Variants in PATJ observed in about 807,000 individuals in gnomAD.
PATJ encodes the protein inaD-like protein.
A neutral mutation model predicts 224.9 loss-of-function variants in PATJ; 190 were observed. The observed-to-expected ratio is 0.84, with a 90% confidence interval of 0.75 to 0.95. PATJ has a LOEUF of 0.95. Ranked by LOEUF, PATJ falls within the 40% of genes least tolerant of loss-of-function variation. The pLI is 0.00. For synonymous variants in PATJ, 769 were observed against 820.3 expected, an observed-to-expected ratio of 0.94 and a Z score of 1.07; for missense variants, 2,121 against 2,270.3, an observed-to-expected ratio of 0.93 and a Z score of 1.34.
rs371614612 is a variant in PATJ at position 62,141,830 on chromosome 1, C to T, written c.5272-6454C>T. On this transcript the variant is annotated intron_variant, in intron 41 of 43. Transcript: ENST00000642238. Reference sequence around the variant, plus strand: ...CTAAAAATACAAAAAATTAGCTGGGCGTGGTGACACACACCTGTAATACCA... The same window carrying T: ...CTAAAAATACAAAAAATTAGCTGGGTGTGGTGACACACACCTGTAATACCA... Among the ~76,000 whole-genome samples, 326 of 152,058 alleles carry T rather than the reference C, an allele frequency of 2.1e-3. 7 individuals are homozygous for T. The highest frequency in any genetic ancestry group is 7.2e-3 in the African/African-American group (297 of 41,482).
intron 1 of PATJ, among the ~76,000 whole-genome samples, chr1:61,757,157 G>A (rs369017747): frequency 3.8e-4 from 56 of 146,452 alleles, no homozygotes; most frequent in African/African-American, 7.1e-4. Flanking sequence ...CTGCAACCTC[G>A]ATCTTCTGGG....
intron 31 of PATJ, among the ~76,000 whole-genome samples, chr1:62,078,337 C>G (rs542284902): frequency 1.2e-3 from 178 of 152,298 alleles, no homozygotes; most frequent in African/African-American, 4.1e-3. Context: ...GGCTGGAGTG[C>G]AATGGCACGG....
intron 37 of PATJ, 135 bp downstream of exon 37, chr1:62,117,353 C>A: frequency 6.9e-7 from 1 of 1,441,478 alleles, no homozygotes; most frequent in Middle Eastern, 2.0e-4. Context: ...AGTGAACTTT[C>A]ATGTGTTTGA....
In PATJ at chr1:62,100,237, G is replaced by A. The variant is rs1402623881; in HGVS notation, c.4378-8200G>A. ...ATTATTTTACCATCAGAAGCTTGGTGTCTTACTCCATTTTCTGCTGCTATA... is the reference window on the plus strand; with the variant it reads ...ATTATTTTACCATCAGAAGCTTGGTATCTTACTCCATTTTCTGCTGCTATA... On this transcript the variant is annotated intron_variant, in intron 33 of 43. Coordinates refer to ENST00000642238, the MANE Select transcript of PATJ (RefSeq NM_001350145.3). 8.3e-6 allele frequency: 5 copies of A among 605,956 alleles called. No individual in the cohort carries two copies. The African/African-American group carries it at 9.1e-5, about 11-fold the overall frequency. 37.5% of individuals were successfully genotyped at this position (605,956 alleles called of 1,614,324 possible). A position where few individuals can be genotyped will look rare whatever the true frequency, so the allele number is the denominator to read the frequency against.
intron 23 of PATJ, among the ~76,000 whole-genome samples, chr1:61,901,073 C>G (rs184646372): frequency 2.0e-5 from 3 of 152,264 alleles, no homozygotes; most frequent in Admixed American, 2.0e-4. Context: ...TTCTAGAAAT[C>G]TATGCTTTTC....
At chr1:62,104,323 T>A (rs190058341) in intron 33 of PATJ, among the ~76,000 whole-genome samples, 1 of 152,322 alleles carries the variant, frequency 6.6e-6, no homozygotes, top group East Asian at 1.9e-4. Context: ...ATTCACAAAG[T>A]AGATGCATAA....
chr1:61,871,563 T>A (rs71494223), intron 20 of PATJ, among the ~76,000 whole-genome samples: 2,684 of 17,520 alleles, frequency 0.15, 34 homozygotes, highest in East Asian at 0.34. Context: ...ATATATTTTT[T>A]TTTTTTTTTT....
intron 35 of PATJ, among the ~76,000 whole-genome samples, 170 bp from the exon 36 acceptor site, chr1:62,116,362 A>G (rs1008412716): frequency 3.3e-5 from 5 of 152,236 alleles, no homozygotes; most frequent in Admixed American, 1.3e-4. Flanking sequence ...AAAATGAGGA[A>G]GCTCCAAGTG....
intron 33 of PATJ, among the ~76,000 whole-genome samples, chr1:62,094,310 T>C (rs11207901): frequency 0.24 from 36,889 of 152,010 alleles, 4,719 homozygotes; most frequent in South Asian, 0.33. Flanking sequence ...AAGAGGATTG[T>C]CTAAGTCTGG....
intron 25 of PATJ, among the ~76,000 whole-genome samples, chr1:61,910,534 C>CTATTT (rs1463785269): frequency 1.7e-5 from 1 of 59,076 alleles, no homozygotes; most frequent in Admixed American, 2.1e-4. Context: ...GGCAAAGTGA[C>CTATTT]TCTTTTTTTT....
chr1:62,031,071 G>A (rs12087018), intron 29 of PATJ, among the ~76,000 whole-genome samples: 8,704 of 152,188 alleles, frequency 0.057, 535 homozygotes, highest in East Asian at 0.31. Flanking sequence ...CAAAACTCAT[G>A]GCTTAAGACA....
chr1:61,980,772 G>A (rs1644411124), intron 27 of PATJ, among the ~76,000 whole-genome samples: 1 of 152,102 alleles, frequency 6.6e-6, no homozygotes, highest in African/African-American at 2.4e-5. Flanking sequence ...CCACATGTCT[G>A]ATACTGCGCA....
intron 33 of PATJ, among the ~76,000 whole-genome samples, chr1:62,095,727 G>A (rs1310559140): frequency 1.3e-5 from 2 of 152,122 alleles, no homozygotes; most frequent in Non-Finnish European, 2.9e-5. Context: ...AGGAATTATA[G>A]CTGATTCTCA....
Position 61,884,320 on chromosome 1 carries a change from C to T in PATJ, c.3043C>T (p.Pro1015Ser), listed in dbSNP as rs866423434. Reference sequence around the variant, plus strand: ...TCAAAGGAGGGAGCAAGAAGATTTGCCTTTATATCAACACCAAGCGACACG... The same window carrying T: ...TCAAAGGAGGGAGCAAGAAGATTTGTCTTTATATCAACACCAAGCGACACG... ...VAQRREQEDL[P>S]LYQHQATRVI... The change falls in exon 22 of 44, where the codon CCT (proline) becomes TCT (serine). Residue 1015 changes from proline to serine, a missense_variant. Pro to Ser is a moderately conservative substitution (Grantham distance 74). Coordinates refer to ENST00000642238, the MANE Select transcript of PATJ (RefSeq NM_001350145.3). The T allele has an allele frequency of 6.2e-7, 1 of 1,613,574 alleles. No homozygotes were observed.
chr1:61,837,815 A>G (rs2148816507), intron 17 of PATJ, among the ~76,000 whole-genome samples: 1 of 149,336 alleles, frequency 6.7e-6, no homozygotes, highest in Non-Finnish European at 1.5e-5. Context: ...AAAGGGAAAG[A>G]TGAGTGAGCA....
intron 13 of PATJ, among the ~76,000 whole-genome samples, chr1:61,808,127 G>T (rs1001290894): frequency 2.0e-5 from 3 of 152,086 alleles, no homozygotes; most frequent in Non-Finnish European, 4.4e-5. Flanking sequence ...CCATATTTTT[G>T]ATTTTGTCAA....
At chr1:61,821,586 G>T (rs940866338) in intron 14 of PATJ, among the ~76,000 whole-genome samples, 10 of 152,178 alleles carry the variant, frequency 6.6e-5, no homozygotes, top group African/African-American at 2.4e-4. Context: ...GAAGGCCTGT[G>T]GCACTCTGGG....
rs551202492 is a variant in PATJ, at chr1:61,873,503, G to C, written c.2836-1740G>C. 1.3e-5 allele frequency among the ~76,000 whole-genome samples: 2 copies of C among 152,146 alleles called. 1 individual carries two copies. The highest frequency in any genetic ancestry group is 4.8e-5 in the African/African-American group (2 of 41,430). On this transcript the variant is annotated intron_variant, in intron 20 of 43. Coordinates refer to ENST00000642238, the MANE Select transcript of PATJ (RefSeq NM_001350145.3). ...TTTAAAATATAAAAAGATACTTAAA[G>C]TGAAAATATGATGTTTTCTATCTTA...
chr1:62,123,469 CTTTTTTT>C (rs34621846), intron 39 of PATJ, among the ~76,000 whole-genome samples: 19 of 64,558 alleles, frequency 2.9e-4, no homozygotes, highest in South Asian at 2.4e-3. Flanking sequence ...CTATAAGTTT[CTTTTTTT>C]TTTTTTTTTT....
Sources: allele counts gnomAD v4.1 joint callset (sites outside exome capture counted in the v4.1 genomes callset), GRCh38; gene constraint gnomAD v4.1.1; transcripts MANE v1.5; gene names NCBI Gene and HGNC (gene_info 2026-07-23, HGNC 2026-07-21).